Variants in GJB1 observed in about 807,000 individuals in gnomAD.
The protein encoded by GJB1 is gap junction protein beta 1, also known as gap junction beta-1 protein.
In GJB1, 1 loss-of-function variant was observed where a neutral mutation model predicts 12.0. The ratio of observed to expected loss-of-function variants is 0.08; its 90% CI spans 0.03 to 0.40. GJB1 has a LOEUF of 0.40. Among genes scored for constraint, GJB1 ranks in the 10% least tolerant of loss-of-function variants. The pLI, the probability that GJB1 is intolerant of heterozygous loss-of-function variation, is 0.98. For synonymous variants in GJB1, 114 were observed against 102.8 expected, an observed-to-expected ratio of 1.11 and a Z score of -0.66; for missense variants, 140 against 250.3, an observed-to-expected ratio of 0.56 and a Z score of 2.97.
At chrX:71,219,819 TTTA>T (rs1166403462), upstream of GJB1, among the ~76,000 whole-genome samples, 2 of 99,781 alleles carry the variant, frequency 2.0e-5, no homozygotes, top group African/African-American at 3.6e-5. Flanking sequence ...AGGTTATTCT[TTTA>T]TTATTATTAT....
At chrX:71,221,584 A>G (rs2092538112), upstream of GJB1, among the ~76,000 whole-genome samples, 1 of 110,943 alleles carries the variant, frequency 9.0e-6, no homozygotes, top group Non-Finnish European at 1.9e-5. Flanking sequence ...AAATGACTCC[A>G]GGGATCACTG....
Position 71,224,212 on chromosome X carries a change from G to T in GJB1, c.505G>T (p.Asp169Tyr). 1 of 1,206,491 alleles carries T rather than the reference G, an allele frequency of 8.3e-7. No individual in the cohort carries two copies. The stretch of plus-strand genomic sequence containing the variant: ...TGCCATGGTGCGGCTGGTCAAGTGC[G>T]ACGTCTACCCCTGCCCCAACACAGT... The part of the protein sequence containing the change: ...GYAMVRLVKC[D>Y]VYPCPNTVDC... The change falls in exon 2 of 2, where the codon GAC (aspartate) becomes TAC (tyrosine). Residue 169 changes from aspartate to tyrosine, a missense_variant. Asp to Tyr is a radical substitution (Grantham distance 160). Transcript: ENST00000361726.
chrX:71,223,823 C>T lies in GJB1; in HGVS notation c.116C>T (p.Ala39Val), dbSNP rs786204095. ...FIFRIMVLVV[A>V]AESVWGDEKS... The stretch of plus-strand genomic sequence containing the variant: ...TTCAGAATCATGGTGCTGGTGGTGG[C>T]TGCAGAGAGTGTGTGGGGTGATGAG... Residue 39 changes from alanine to valine, a missense_variant, in exon 2 of 2, where the codon GCT becomes GTT. Coordinates refer to ENST00000361726, the MANE Select transcript of GJB1 (RefSeq NM_000166.6). 1.7e-6 allele frequency: 2 copies of T among 1,211,431 alleles called. No individual in the cohort carries two copies. Among genetic ancestry groups the T allele is most frequent in the Non-Finnish European group, 2.2e-6 (2 of 895,263 alleles).
chrX:71,220,525 G>A (rs1195426447), upstream of GJB1, among the ~76,000 whole-genome samples: 2 of 106,511 alleles, frequency 1.9e-5, no homozygotes, highest in African/African-American at 3.5e-5. Flanking sequence ...CGTCTTTTCC[G>A]AGACGGAGTC....
chrX:71,217,916 C>A (rs1311149678), intron 1 of GJB1: 5 of 111,662 alleles, frequency 4.5e-5, no homozygotes, highest in Non-Finnish European at 1.9e-5. Flanking sequence ...GAAAAGCAGA[C>A]CAAATCAAGA....
chrX:71,218,685 C>T (rs1211859761), upstream of GJB1, among the ~76,000 whole-genome samples: 1 of 110,221 alleles, frequency 9.1e-6, no homozygotes, highest in Non-Finnish European at 1.9e-5. Flanking sequence ...AGATCAAGAC[C>T]ATCCTGGCTA....
rs2092547547 is a variant in GJB1 at position 71,224,725 on chromosome X, G to A, written c.*166G>A. On this transcript the variant is annotated 3_prime_UTR_variant, in exon 2 of 2. Transcript: ENST00000361726. ...CCCGGGGCCTTCCTTTTGAGGAGCT[G>A]GAGGGGTGGGGAGCTAGAGGCCACC... The A allele has an allele frequency of 3.9e-6, 2 of 512,863 alleles. No homozygotes were observed. Among genetic ancestry groups the A allele is most frequent in the Non-Finnish European group, 6.8e-6 (2 of 295,370 alleles). 42.3% of individuals were successfully genotyped at this position (512,863 alleles called of 1,213,427 possible). A position where few individuals can be genotyped will look rare whatever the true frequency, so the allele number is the denominator to read the frequency against.
At position 71,224,670 on chromosome X, in the gene GJB1, A is replaced by C; in HGVS notation, c.*111A>C. The C allele has an allele frequency of 2.8e-6, 2 of 718,573 alleles. No individual in the cohort carries two copies. Among genetic ancestry groups the C allele is most frequent in the Non-Finnish European group, 2.1e-6 (1 of 469,162 alleles). The allele number at this position is 718,573 out of a possible 1,213,427, so 59.2% of individuals were successfully genotyped here. On this transcript the variant is annotated 3_prime_UTR_variant, in exon 2 of 2. Coordinates refer to ENST00000361726, the MANE Select transcript of GJB1 (RefSeq NM_000166.6). ...TGCCTGCTGGGGATTACTCGATCAAAACCTTCCTTCCCTGGCTACTTCCCT... is the reference window on the plus strand; with the variant it reads ...TGCCTGCTGGGGATTACTCGATCAACACCTTCCTTCCCTGGCTACTTCCCT...
upstream of GJB1, among the ~76,000 whole-genome samples, chrX:71,219,846 CT>C (rs1222643782): frequency 7.2e-3 from 550 of 76,110 alleles, 5 homozygotes; most frequent in African/African-American, 0.021. Flanking sequence ...TTCTTTTATT[CT>C]TTTTTTTTTT....
Position 71,216,197 on chromosome X carries a change from TC to T in GJB1, c.-17+930del, listed in dbSNP as rs757755480. Reference sequence around the variant, plus strand: ...GTTTGGAGATCTAAAGGAGGGGTGTTCCCCAGCTGTTTGAAAGTTGTTGCAG... The same window carrying T: ...GTTTGGAGATCTAAAGGAGGGGTGTTCCCAGCTGTTTGAAAGTTGTTGCAG... On this transcript the variant is annotated intron_variant, in intron 1 of 1. Transcript: ENST00000374029. Among the ~76,000 whole-genome samples the T allele has an allele frequency of 8.1e-5, 9 of 111,083 alleles. No homozygotes were observed. In the South Asian group the frequency reaches 3.4e-3, roughly 42 times the overall value.
Position 71,223,989 on chromosome X carries a change from C to T in GJB1, c.282C>T (p.His94=), listed in dbSNP as rs756000896. The change falls in exon 2 of 2, where the codon CAC becomes CAT. Residue 94 remains histidine, a synonymous_variant. Transcript: ENST00000361726. The part of the protein sequence containing the change: ...VSTPALLVAM[H]VAHQQHIEKK... ...CCCCAGCTCTCCTCGTGGCCATGCA[C>T]GTGGCTCACCAGCAACACATAGAGA... The T allele has an allele frequency of 1.3e-5, 16 of 1,200,720 alleles. No individual in the cohort carries two copies. In the South Asian group the frequency reaches 2.3e-4, roughly 18 times the overall value.
intron 1 of GJB1, among the ~76,000 whole-genome samples, chrX:71,215,556 G>A (rs1168771869): frequency 8.9e-6 from 1 of 111,850 alleles, no homozygotes; most frequent in East Asian, 2.8e-4. Flanking sequence ...TATTCCCATA[G>A]GGCCAGATTC....
upstream of GJB1, among the ~76,000 whole-genome samples, chrX:71,218,413 T>G: frequency 9.4e-6 from 1 of 106,182 alleles, no homozygotes; most frequent in African/African-American, 3.4e-5. Context: ...AATCTCCCTG[T>G]TCCTAAAAAG....
chrX:71,221,972 C>CA (rs1366414661), upstream of GJB1, among the ~76,000 whole-genome samples: 159 of 98,633 alleles, frequency 1.6e-3, no homozygotes, highest in Non-Finnish European at 2.0e-3. Flanking sequence ...CCCATCTCTA[C>CA]AAAAAAAAAA....
At chrX:71,223,426 T>C (rs2092541312) in intron 1 of GJB1, 91 bp downstream of exon 1, 3 of 417,999 alleles carry the variant, frequency 7.2e-6, no homozygotes, top group South Asian at 3.4e-5. Context: ...CGGAACAAGA[T>C]GGGCTTGGCA....
At chrX:71,222,654 C>T (rs1349120586), upstream of GJB1, 3 of 108,065 alleles carry the variant, frequency 2.8e-5, no homozygotes, top group African/African-American at 1.0e-4. Flanking sequence ...TTTCATCCTA[C>T]CTATCCTACC....
upstream of GJB1, among the ~76,000 whole-genome samples, chrX:71,221,998 T>C (rs1166280273): frequency 9.1e-6 from 1 of 109,831 alleles, no homozygotes. Context: ...AAAAATTAGC[T>C]GGGCATGGTG....
At chrX:71,217,563 C>T (rs1047683488) in intron 1 of GJB1, 5 of 111,668 alleles carry the variant, frequency 4.5e-5, no homozygotes, top group Admixed American at 9.6e-5. Context: ...GACTTTAACC[C>T]GAAGTCACAA....
upstream of GJB1, among the ~76,000 whole-genome samples, chrX:71,222,987 G>A (rs760359299): frequency 8.2e-5 from 9 of 110,330 alleles, no homozygotes; most frequent in African/African-American, 1.3e-4. Flanking sequence ...CCCTCCCCCC[G>A]CCCCCCCGTG....
Sources: allele counts gnomAD v4.1 joint callset (sites outside exome capture counted in the v4.1 genomes callset), GRCh38; gene constraint gnomAD v4.1.1; transcripts MANE v1.5; gene names NCBI Gene and HGNC (gene_info 2026-07-23, HGNC 2026-07-21).